SUGCT: variants seen among roughly 807,000 people sequenced by gnomAD.
The protein encoded by SUGCT is succinyl-CoA:glutarate-CoA transferase.
Under a neutral mutation model 55.0 loss-of-function variants are expected in SUGCT, and 41 were observed. That is an observed-to-expected ratio of 0.74 (90% confidence interval 0.58 to 0.97). SUGCT has a LOEUF of 0.97. Among genes scored for constraint, SUGCT ranks in the 50% least tolerant of loss-of-function variants. SUGCT has a pLI of 0.00. For synonymous variants in SUGCT, 187 were observed against 200.4 expected (o/e 0.93, Z 0.56); for missense variants, 568 against 547.8 (o/e 1.04, Z -0.37).
At chr7:40,955,532 G>A in the SUGCT span, among the ~76,000 whole-genome samples, 4 of 152,076 alleles carry the variant, frequency 2.6e-5, no homozygotes, top group South Asian at 6.2e-4. Flanking sequence ...GGAGATTTTG[G>A]GCTGAGATGA....
chr7:40,368,297 A>ACGTGATT (rs947793019), intron 9 of SUGCT, among the ~76,000 whole-genome samples: 10 of 152,032 alleles, frequency 6.6e-5, no homozygotes, highest in Admixed American at 2.6e-4. Flanking sequence ...TCCCAGGTTC[A>ACGTGATT]CGTGATTCTC....
At chr7:40,236,768 G>A (rs1190115693) in intron 6 of SUGCT, among the ~76,000 whole-genome samples, 1 of 152,106 alleles carries the variant, frequency 6.6e-6, no homozygotes, top group African/African-American at 2.4e-5. Context: ...CCTATGTAGA[G>A]GGGAGAGGCA....
At chr7:40,270,496 C>T (rs1791935016) in intron 7 of SUGCT, among the ~76,000 whole-genome samples, 1 of 152,048 alleles carries the variant, frequency 6.6e-6, no homozygotes, top group Admixed American at 6.6e-5. Flanking sequence ...AAGACTCTTC[C>T]AATTGAATTG....
At position 40,653,002 on chromosome 7, in the gene SUGCT, C is replaced by G. The variant is rs529716632; in HGVS notation, c.1090-96432C>G. Among the ~76,000 whole-genome samples the G allele has an allele frequency of 2.6e-5, 4 of 152,310 alleles. No homozygotes were observed. In the East Asian group the frequency reaches 7.7e-4, roughly 29 times the overall value. ...TCCCTTACCTATTATATCCTTTCCTCCCAGTTTGTCTTGAAAATGCCTGTT... is the reference window on the plus strand; with the variant it reads ...TCCCTTACCTATTATATCCTTTCCTGCCAGTTTGTCTTGAAAATGCCTGTT... On this transcript the variant is annotated intron_variant, in intron 12 of 13. Coordinates refer to ENST00000335693, the MANE Select transcript of SUGCT (RefSeq NM_001193313.2).
chr7:40,745,667 G>A (rs1172114832), intron 12 of SUGCT, among the ~76,000 whole-genome samples: 1 of 152,120 alleles, frequency 6.6e-6, no homozygotes, highest in Non-Finnish European at 1.5e-5. Flanking sequence ...ATTTAGAAGA[G>A]CTACTAAACC....
intron 12 of SUGCT, among the ~76,000 whole-genome samples, chr7:40,536,511 T>C (rs1158654708): frequency 6.6e-6 from 1 of 152,196 alleles, no homozygotes; most frequent in Non-Finnish European, 1.5e-5. Context: ...GGTTTGAGAA[T>C]GGAAAGTTTT....
At chr7:40,665,258 G>C (rs1801557779) in intron 12 of SUGCT, among the ~76,000 whole-genome samples, 1 of 151,182 alleles carries the variant, frequency 6.6e-6, no homozygotes, top group African/African-American at 2.4e-5. Flanking sequence ...GGCTAACATG[G>C]TGAAACCCTG....
intron 6 of SUGCT, among the ~76,000 whole-genome samples, chr7:40,219,906 A>G (rs1787929661): frequency 6.6e-6 from 1 of 152,146 alleles, no homozygotes; most frequent in Non-Finnish European, 1.5e-5. Context: ...GTGTCAATTA[A>G]TTAGAAGCTG....
chr7:40,368,810 A>G (rs1030752967), intron 9 of SUGCT, among the ~76,000 whole-genome samples: 7 of 152,104 alleles, frequency 4.6e-5, no homozygotes, highest in African/African-American at 1.7e-4. Context: ...GGCTCATTCA[A>G]CTACAACTTT....
At chr7:40,508,188 G>T (rs954702455) in intron 12 of SUGCT, among the ~76,000 whole-genome samples, 2 of 152,140 alleles carry the variant, frequency 1.3e-5, no homozygotes, top group Non-Finnish European at 2.9e-5. Context: ...AACTAGAAGT[G>T]GTGGTGGTGA....
chr7:41,016,088 C>A, the SUGCT span, among the ~76,000 whole-genome samples: 11 of 152,294 alleles, frequency 7.2e-5, no homozygotes, highest in African/African-American at 2.6e-4. Flanking sequence ...TTCCCATGTT[C>A]TAACCATCAG....
intron 9 of SUGCT, among the ~76,000 whole-genome samples, chr7:40,369,608 G>C (rs190650838): frequency 6.6e-6 from 1 of 152,142 alleles, no homozygotes; most frequent in East Asian, 1.9e-4. Context: ...CCCCTAAGAA[G>C]GGGGAGGGTG....
chr7:40,249,335 A>ATATATATATATATATATG (rs1790177989), intron 7 of SUGCT, among the ~76,000 whole-genome samples: 1 of 124,110 alleles, frequency 8.1e-6, no homozygotes, highest in Non-Finnish European at 1.7e-5. Flanking sequence ...ATATATATAT[A>ATATATATATATATATATG]TATATATATA....
At position 40,274,108 on chromosome 7, in the gene SUGCT, C is replaced by T. The variant is rs1378547843; in HGVS notation, c.577-405C>T. Among the ~76,000 whole-genome samples, 8 of 93,568 alleles carry T rather than the reference C, an allele frequency of 8.5e-5. No individual in the cohort carries two copies. The Admixed American group carries it at 1.3e-3, about 15-fold the overall frequency. 61.4% of individuals were successfully genotyped at this position (93,568 alleles called of 152,430 possible). ...TTTTTTTTTTTTTTTTGTGAGAGAG[C>T]CTCTCACCCAATAGGAGAAAAACAC... On this transcript the variant is annotated intron_variant, in intron 7 of 13. Transcript: ENST00000335693.
intron 10 of SUGCT, among the ~76,000 whole-genome samples, chr7:40,453,524 A>T (rs1243798287): frequency 6.6e-6 from 1 of 152,248 alleles, no homozygotes; most frequent in Admixed American, 6.5e-5. Context: ...TAGTAAATAG[A>T]CAACTGCCCA....
At chr7:40,821,136 C>G (rs939833058) in intron 13 of SUGCT, among the ~76,000 whole-genome samples, 4 of 152,124 alleles carry the variant, frequency 2.6e-5, no homozygotes, top group African/African-American at 7.2e-5. Flanking sequence ...GGTTGATAAG[C>G]TTTTTGATGT....
chr7:40,370,983 C>T (rs181382612), intron 9 of SUGCT, among the ~76,000 whole-genome samples: 11 of 152,154 alleles, frequency 7.2e-5, no homozygotes, highest in African/African-American at 2.4e-4. Context: ...AACTAATGCT[C>T]AGAGATATTA....
At chr7:40,391,079 A>G (rs142464531) in intron 9 of SUGCT, among the ~76,000 whole-genome samples, 77,634 of 151,726 alleles carry the variant, frequency 0.51, 20,212 homozygotes, top group South Asian at 0.64. Flanking sequence ...CTGGCTAGCC[A>G]TATGTAGAAA....
At chr7:40,582,447 C>G (rs1159787050) in intron 12 of SUGCT, among the ~76,000 whole-genome samples, 2 of 152,142 alleles carry the variant, frequency 1.3e-5, no homozygotes, top group Non-Finnish European at 2.9e-5. Context: ...ATAATTGAGG[C>G]ACAGGGTCTT....
Sources: allele counts gnomAD v4.1 joint callset (sites outside exome capture counted in the v4.1 genomes callset), GRCh38; gene constraint gnomAD v4.1.1; transcripts MANE v1.5; gene names NCBI Gene and HGNC (gene_info 2026-07-23, HGNC 2026-07-21).